FAT4: variants seen among roughly 807,000 people sequenced by gnomAD.
The protein encoded by FAT4 is FAT atypical cadherin 4.
FAT4 carries 84 observed loss-of-function variants against 303.9 expected under a neutral mutation model. That is an observed-to-expected ratio of 0.28 (90% CI 0.23 to 0.33). FAT4 has a LOEUF of 0.33. Ranked by LOEUF, FAT4 falls within the 10% of genes least tolerant of loss-of-function variation. The pLI, the probability that FAT4 is intolerant of heterozygous loss-of-function variation, is 1.00. For synonymous variants in FAT4, 2,307 were observed against 2,298.8 expected, an observed-to-expected ratio of 1.00 and a Z score of -0.10; for missense variants, 6,005 against 6,146.8, an observed-to-expected ratio of 0.98 and a Z score of 0.77.
intron 7 of FAT4, among the ~76,000 whole-genome samples, chr4:125,420,698 A>G (rs1159448186): frequency 6.6e-6 from 1 of 152,164 alleles, no homozygotes; most frequent in Non-Finnish European, 1.5e-5. Flanking sequence ...GGACCCAGTG[A>G]AGCATTTTAT....
intron 5 of FAT4, among the ~76,000 whole-genome samples, chr4:125,411,882 C>A (rs1734859802): frequency 6.7e-6 from 1 of 149,152 alleles, no homozygotes; most frequent in Admixed American, 6.7e-5. Flanking sequence ...ATGACGAAAC[C>A]ATAAAACCAT....
At chr4:125,382,422 G>A (rs942526411) in intron 2 of FAT4, among the ~76,000 whole-genome samples, 4 of 152,182 alleles carry the variant, frequency 2.6e-5, no homozygotes, top group African/African-American at 7.2e-5. Context: ...GGATGACCAG[G>A]TAGATTGTCA....
In FAT4 at chr4:125,318,128, C is replaced by T; in HGVS notation, c.1717C>T (p.Leu573=). ...VSYAQLVVTL[L]DVNDEKPVFS... is the part of the protein sequence containing the mutation. Reference sequence around the variant, plus strand: ...CTATGCCCAGCTTGTAGTAACTCTCCTAGATGTGAATGATGAAAAGCCAGT... The same window carrying T: ...CTATGCCCAGCTTGTAGTAACTCTCTTAGATGTGAATGATGAAAAGCCAGT... Residue 573 remains leucine, a synonymous_variant, in exon 2 of 18, where the codon CTA becomes TTA. Transcript: ENST00000394329. The T allele has an allele frequency of 6.2e-7, 1 of 1,614,134 alleles. No homozygotes were observed.
chr4:125,474,134 C>T (rs902301260), intron 12 of FAT4, among the ~76,000 whole-genome samples: 1 of 151,966 alleles, frequency 6.6e-6, no homozygotes, highest in Middle Eastern at 3.2e-3. Context: ...AACATCTCCT[C>T]CATTATTCTT....
At chr4:125,370,230 A>G (rs1454746051) in intron 2 of FAT4, among the ~76,000 whole-genome samples, 1 of 152,160 alleles carries the variant, frequency 6.6e-6, no homozygotes, top group Non-Finnish European at 1.5e-5. Flanking sequence ...TCATTGTTAT[A>G]GCTAATAGCT....
intron 7 of FAT4, among the ~76,000 whole-genome samples, chr4:125,424,415 C>T (rs113644610): frequency 0.024 from 3,681 of 152,266 alleles, 62 homozygotes; most frequent in Middle Eastern, 0.044. Flanking sequence ...GACATGTTTG[C>T]TTCTGATTCT....
intron 2 of FAT4, among the ~76,000 whole-genome samples, chr4:125,324,409 A>G (rs899513719): frequency 5.9e-5 from 9 of 152,162 alleles, no homozygotes; most frequent in Non-Finnish European, 1.3e-4. Context: ...TAGGTGCTCC[A>G]TACATGTTTG....
At position 125,398,818 on chromosome 4, in the gene FAT4, C is replaced by T; in HGVS notation, c.5210C>T (p.Pro1737Leu). The change falls in exon 3 of 18, where the codon CCA (proline) becomes CTA (leucine). Residue 1737 changes from proline (P) to leucine (L), a missense_variant. Physicochemically the swap from Pro to Leu is moderately conservative, Grantham distance 98. Coordinates refer to ENST00000394329, the MANE Select transcript of FAT4 (RefSeq NM_001291303.3). Reference protein sequence around the residue: ...EITLQDINDNPPVFPTDMLDL... With the variant: ...EITLQDINDNLPVFPTDMLDL... Reference sequence around the variant, plus strand: ...ACACTTCAGGATATCAATGACAATCCACCAGTATTTCCAACGGACATGCTG... The same window carrying T: ...ACACTTCAGGATATCAATGACAATCTACCAGTATTTCCAACGGACATGCTG... 1 of 1,613,140 alleles carries T rather than the reference C, an allele frequency of 6.2e-7. No homozygotes were observed. Among genetic ancestry groups the T allele is most frequent in the South Asian group, 1.1e-5 (1 of 91,054 alleles).
At chr4:125,324,890 T>A (rs1731092703) in intron 2 of FAT4, among the ~76,000 whole-genome samples, 1 of 152,186 alleles carries the variant, frequency 6.6e-6, no homozygotes, top group Non-Finnish European at 1.5e-5. Context: ...ATAACATGTT[T>A]ATTTTGTTTT....
At chr4:125,445,515 A>G (rs1470135182) in intron 8 of FAT4, among the ~76,000 whole-genome samples, 1 of 152,148 alleles carries the variant, frequency 6.6e-6, no homozygotes, top group Non-Finnish European at 1.5e-5. Context: ...ATTACGGACC[A>G]TAGCCAATTT....
intron 11 of FAT4, among the ~76,000 whole-genome samples, chr4:125,466,898 C>T (rs1726682423): frequency 6.6e-6 from 1 of 151,860 alleles, no homozygotes; most frequent in African/African-American, 2.4e-5. Context: ...CCTCAGCCTC[C>T]CGAGTAGCTG....
chr4:125,449,876 A>G lies in FAT4; in HGVS notation c.8866A>G (p.Thr2956Ala). ...VNINRHSFIV[T>A]SSDRGKPSLI... ...TATCAACAGGCATAGTTTTATAGTG[A>G]CATCTTCAGATCGAGGTAAACCTTC... Residue 2956 changes from threonine (T) to alanine (A), a missense_variant, in exon 10 of 18, where the codon ACA (threonine) becomes GCA (alanine). Transcript: ENST00000394329. 1 of 1,613,982 alleles carries G rather than the reference A, an allele frequency of 6.2e-7. No individual in the cohort carries two copies. Among genetic ancestry groups the G allele is most frequent in the Non-Finnish European group, 8.5e-7 (1 of 1,179,926 alleles).
At chr4:125,333,766 A>T (rs1731472393) in intron 2 of FAT4, among the ~76,000 whole-genome samples, 1 of 152,226 alleles carries the variant, frequency 6.6e-6, no homozygotes, top group South Asian at 2.1e-4. Flanking sequence ...AGAAACAATC[A>T]TCCTGTGAGA....
At chr4:125,408,227 T>C (rs1390442419) in intron 4 of FAT4, among the ~76,000 whole-genome samples, 1 of 152,160 alleles carries the variant, frequency 6.6e-6, no homozygotes, top group Non-Finnish European at 1.5e-5. Context: ...TGCTGAAACC[T>C]GAGGTCCACT....
chr4:125,368,288 A>G lies in FAT4; in HGVS notation c.5176-30496A>G. Among the ~76,000 whole-genome samples the G allele has an allele frequency of 2.0e-5, 3 of 152,086 alleles. 1 individual carries two copies. In the South Asian group the frequency reaches 6.2e-4, roughly 31 times the overall value. On this transcript the variant is annotated intron_variant, in intron 2 of 17. Transcript: ENST00000394329. ...AGTATGACTTAGTGATTATTAAATA[A>G]CCATGTTTTTAATCTGACTCACTGG...
chr4:125,436,247 A>G (rs1019554815), intron 8 of FAT4, among the ~76,000 whole-genome samples: 1 of 152,134 alleles, frequency 6.6e-6, no homozygotes. Context: ...AGAAATCAGA[A>G]TCATCTAAGT....
chr4:125,350,194 T>C (rs1732170204), intron 2 of FAT4, among the ~76,000 whole-genome samples: 1 of 148,728 alleles, frequency 6.7e-6, no homozygotes, highest in African/African-American at 2.4e-5. Context: ...TTAGAGCCAG[T>C]TGGATGCCAA....
In FAT4 at chr4:125,317,443, G is replaced by C; in HGVS notation, c.1032G>C (p.Leu344=). The C allele has an allele frequency of 6.2e-7, 1 of 1,613,628 alleles. No homozygotes were observed. The highest frequency in any genetic ancestry group is 1.1e-5 in the South Asian group (1 of 91,082). The change falls in exon 2 of 18, where the codon CTG becomes CTC. Residue 344 remains leucine (L), a synonymous_variant. Coordinates refer to ENST00000394329, the MANE Select transcript of FAT4 (RefSeq NM_001291303.3). The surrounding 1 kb of genome is among the most constrained non-coding windows in gnomAD (Gnocchi z 7.0). Reference sequence around the variant, plus strand: ...GCGCCGAGGCGCTGATTCAGCTGCTGGACGTGAATGACAATGACCCGGTAG... The same window carrying C: ...GCGCCGAGGCGCTGATTCAGCTGCTCGACGTGAATGACAATGACCCGGTAG... ...TGRAEALIQL[L]DVNDNDPVVK...
At chr4:125,481,813 A>T in intron 16 of FAT4, 75 bp downstream of exon 16, 1 of 1,298,918 alleles carries the variant, frequency 7.7e-7, no homozygotes, top group East Asian at 2.4e-5. Context: ...CTTCCCCCAT[A>T]ATTTCTGTCC....
Sources: gnomAD v4.1 joint callset for allele counts (sites outside exome capture counted in the v4.1 genomes callset) on GRCh38, gnomAD v4.1.1 for gene constraint, Gnocchi (gnomAD v3.1) non-coding constraint, MANE v1.5 for transcripts, NCBI Gene and HGNC (gene_info 2026-07-23, HGNC 2026-07-21) for gene names.